The following PFKFB2 variants were observed in gnomAD, a reference collection of about 807,000 sequenced individuals.
The protein encoded by PFKFB2 is 6-phosphofructo-2-kinase/fructose-2,6-biphosphatase 2.
In PFKFB2, 53 loss-of-function variants were observed where a neutral mutation model predicts 68.0. The observed-to-expected ratio is 0.78, with a 90% CI of 0.63 to 0.98. The LOEUF is 0.98. Among genes scored for constraint, PFKFB2 ranks in the 50% least tolerant of loss-of-function variants. The probability of loss-of-function intolerance (pLI) is 0.00; values close to 1 mark genes in which losing one functional copy is unlikely to be tolerated. For missense variants in PFKFB2, 451 were observed against 642.0 expected, an observed-to-expected ratio of 0.70 and a Z score of 3.22; for synonymous variants, 222 against 227.6, an observed-to-expected ratio of 0.98 and a Z score of 0.22.
rs1683239432 is a variant in PFKFB2, at chr1:207,064,953, C to T, written c.508-83C>T. The T allele has an allele frequency of 4.7e-6, 7 of 1,476,018 alleles. No individual in the cohort carries two copies. In the South Asian group the frequency reaches 9.0e-5, roughly 19 times the overall value. 91.4% of individuals were successfully genotyped at this position (1,476,018 alleles called of 1,614,324 possible). A position where few individuals can be genotyped will look rare whatever the true frequency, so the allele number is the denominator to read the frequency against. On this transcript the variant is annotated intron_variant, in intron 7 of 14. Coordinates refer to ENST00000367080, the MANE Select transcript of PFKFB2 (RefSeq NM_006212.2). ...AGGCGACATTTATGGACTTCTTTTTCTTTTTTTTAGCAGTGGCTATTTGTA... is the reference window on the plus strand; with the variant it reads ...AGGCGACATTTATGGACTTCTTTTTTTTTTTTTTAGCAGTGGCTATTTGTA...
At chr1:207,038,519 T>C (rs1682420449) in intron 1 of PFKFB2, among the ~76,000 whole-genome samples, 1 of 152,246 alleles carries the variant, frequency 6.6e-6, no homozygotes, top group Non-Finnish European at 1.5e-5. Context: ...ACATCATGTT[T>C]GCAAATGCTG....
chr1:207,070,806 C>T lies in PFKFB2; in HGVS notation c.1223-382C>T, dbSNP rs1042550812. ...GGTGCCGTTGCCTTCTTCCATACTT[C>T]GCTTCCCGATCTTCGGGAGCTCCTG... On this transcript the variant is annotated intron_variant, in intron 12 of 14. Coordinates refer to ENST00000367080, the MANE Select transcript of PFKFB2 (RefSeq NM_006212.2). The surrounding 1 kb of genome is among the most constrained non-coding windows in gnomAD (Gnocchi z 4.2). 7 of 275,460 alleles carry T rather than the reference C, an allele frequency of 2.5e-5. No individual in the cohort carries two copies. The highest frequency in any genetic ancestry group is 1.5e-4 in the Admixed American group (3 of 20,002). 17.1% of individuals were successfully genotyped at this position (275,460 alleles called of 1,614,324 possible).
intron 8 of PFKFB2, among the ~76,000 whole-genome samples, chr1:207,066,005 G>A (rs966975605): frequency 6.6e-6 from 1 of 152,146 alleles, no homozygotes; most frequent in African/African-American, 2.4e-5. Flanking sequence ...ATATATTAAT[G>A]CTTGTGTGTA....
At chr1:207,067,853 C>T in intron 9 of PFKFB2, 147 bp downstream of exon 9, 1 of 701,292 alleles carries the variant, frequency 1.4e-6, no homozygotes, top group East Asian at 2.6e-5. Context: ...TGTGTTCTTG[C>T]TCACTGCGTC....
In PFKFB2 at chr1:207,054,764, C is replaced by A. The variant is rs1381561045; in HGVS notation, c.47C>A (p.Thr16Asn). 6.2e-7 allele frequency: 1 copy of A among 1,613,794 alleles called. No individual in the cohort carries two copies. The highest frequency in any genetic ancestry group is 1.3e-5 in the African/African-American group (1 of 74,922). Residue 16 changes from threonine to asparagine, a missense_variant, in exon 2 of 15, where the codon ACC (threonine) becomes AAC (asparagine). Thr to Asn is a moderately conservative substitution (Grantham distance 65, BLOSUM62 0). Coordinates refer to ENST00000367080, the MANE Select transcript of PFKFB2 (RefSeq NM_006212.2). ...GAACAGAACAACAACAGCTATGAAA[C>A]CAAAACCCCAAATCTTCGAATGTCA... ...SSEQNNNSYE[T>N]KTPNLRMSEK...
chr1:207,060,784 G>T (rs957195726), intron 2 of PFKFB2: 1 of 151,830 alleles, frequency 6.6e-6, no homozygotes, highest in Non-Finnish European at 1.5e-5. Context: ...TAAGGATGAT[G>T]TCATTGTTAC....
downstream of PFKFB2, chr1:207,079,073 C>A: frequency 2.8e-6 from 4 of 1,453,588 alleles, no homozygotes; most frequent in Non-Finnish European, 2.9e-6. Flanking sequence ...TACTGAAAAG[C>A]TTGGGATGTC....
At chr1:207,071,705 T>A in intron 14 of PFKFB2, 132 bp downstream of exon 14, 1 of 660,474 alleles carries the variant, frequency 1.5e-6, no homozygotes, top group Non-Finnish European at 2.7e-6. Context: ...CCAAATGTAG[T>A]TTGCTACGTC....
chr1:207,070,546 T>C lies in PFKFB2; in HGVS notation c.1222+137T>C. 1.1e-6 allele frequency: 1 copy of C among 892,952 alleles called. No individual in the cohort carries two copies. 55.3% of individuals were successfully genotyped at this position (892,952 alleles called of 1,614,324 possible). A position where few individuals can be genotyped will look rare whatever the true frequency, so the allele number is the denominator to read the frequency against. On this transcript the variant is annotated intron_variant, in intron 12 of 14. Transcript: ENST00000367080. This position sits in a 1 kb window ranked among gnomAD's most constrained non-coding sequence, Gnocchi z 4.2. Reference sequence around the variant, plus strand: ...CTTTCTCCAGACAGCAGTGTGGGGCTCCCAGCAGCCACTGAGTCAATGACT... The same window carrying C: ...CTTTCTCCAGACAGCAGTGTGGGGCCCCCAGCAGCCACTGAGTCAATGACT...
At chr1:207,035,318 T>G in intron 1 of PFKFB2, 1 of 379,102 alleles carries the variant, frequency 2.6e-6, no homozygotes, top group Non-Finnish European at 3.6e-6. Context: ...TTAGTCCATT[T>G]GCATTGCTAT....
At position 207,075,474 on chromosome 1, in the gene PFKFB2, C is replaced by G; in HGVS notation, c.*3103C>G. ...TTCAGCTCTACTTCTCATCTTTTCT[C>G]TCCTGGTCTTACTTGAATGCATGTT... On this transcript the variant is annotated 3_prime_UTR_variant, in exon 15 of 15. Transcript: ENST00000367080. The G allele has an allele frequency of 3.0e-6, 3 of 985,430 alleles. No homozygotes were observed. The highest frequency in any genetic ancestry group is 3.6e-6 in the Non-Finnish European group (3 of 829,896). The allele number at this position is 985,430 out of a possible 1,614,324, so 61.0% of individuals were successfully genotyped here. A position where few individuals can be genotyped will look rare whatever the true frequency, so the allele number is the denominator to read the frequency against.
At position 207,065,531 on chromosome 1, in the gene PFKFB2, TA is replaced by T. The variant is rs1283791778; in HGVS notation, c.632+372del. 5.1e-4 allele frequency among the ~76,000 whole-genome samples: 78 copies of T among 151,570 alleles called. 1 individual carries two copies. The East Asian group carries it at 0.014, about 28-fold the overall frequency. On this transcript the variant is annotated intron_variant, in intron 8 of 14. Coordinates refer to ENST00000367080, the MANE Select transcript of PFKFB2 (RefSeq NM_006212.2). Reference sequence around the variant, plus strand: ...ATGCCCGGCTATTTTTTTTTTTTTTTAGTAAAGATAGAGTTTCCCCATGTTG... The same window carrying T: ...ATGCCCGGCTATTTTTTTTTTTTTTTGTAAAGATAGAGTTTCCCCATGTTG...
At chr1:207,078,237 A>C (rs1028728394), downstream of PFKFB2, among the ~76,000 whole-genome samples, 2 of 152,160 alleles carry the variant, frequency 1.3e-5, no homozygotes, top group Non-Finnish European at 2.9e-5. Context: ...AAGGGTATAA[A>C]ACAGCATTTA....
At position 207,070,582 on chromosome 1, in the gene PFKFB2, A is replaced by C. The variant is rs978915383; in HGVS notation, c.1222+173A>C. On this transcript the variant is annotated intron_variant, in intron 12 of 14. Coordinates refer to ENST00000367080, the MANE Select transcript of PFKFB2 (RefSeq NM_006212.2). This position sits in a 1 kb window ranked among gnomAD's most constrained non-coding sequence, Gnocchi z 4.2. Reference sequence around the variant, plus strand: ...ACTGAGTCAATGACTTGCTGAGTTCACTCTGCTGCTACGAAAGCTTCCAAT... The same window carrying C: ...ACTGAGTCAATGACTTGCTGAGTTCCCTCTGCTGCTACGAAAGCTTCCAAT... The C allele has an allele frequency of 1.1e-5, 7 of 635,768 alleles. No individual in the cohort carries two copies. Among genetic ancestry groups the C allele is most frequent in the African/African-American group, 9.3e-5 (5 of 53,666 alleles). The allele number at this position is 635,768 out of a possible 1,614,324, so 39.4% of individuals were successfully genotyped here.
At chr1:207,039,621 T>C (rs1444113603) in intron 1 of PFKFB2, among the ~76,000 whole-genome samples, 1 of 152,194 alleles carries the variant, frequency 6.6e-6, no homozygotes, top group Non-Finnish European at 1.5e-5. Context: ...TCATACCTGA[T>C]ATTTCCAAGA....
At chr1:207,042,060 T>G (rs1682487593) in intron 1 of PFKFB2, 1 of 152,238 alleles carries the variant, frequency 6.6e-6, no homozygotes, top group Admixed American at 6.5e-5. Context: ...TAGTCTGAGT[T>G]CTTTCCTCTA....
chr1:207,052,735 C>G (rs1682788067), upstream of PFKFB2: 1 of 133,484 alleles, frequency 7.5e-6, no homozygotes, highest in African/African-American at 2.9e-5. Flanking sequence ...TCTGGTTCAA[C>G]GATGAGAGTG....
At chr1:207,062,836 A>T (rs1417430353) in intron 4 of PFKFB2, 120 bp downstream of exon 4, 8 of 998,800 alleles carry the variant, frequency 8.0e-6, no homozygotes, top group East Asian at 7.2e-5. Flanking sequence ...AATGGAAGTT[A>T]TCTGATGGGC....
Position 207,073,132 on chromosome 1 carries a change from T to A in PFKFB2, c.*761T>A. 1.0e-6 allele frequency: 1 copy of A among 985,494 alleles called. No homozygotes were observed. Among genetic ancestry groups the A allele is most frequent in the Non-Finnish European group, 1.2e-6 (1 of 829,968 alleles). The allele number at this position is 985,494 out of a possible 1,614,324, so 61.0% of individuals were successfully genotyped here. On this transcript the variant is annotated 3_prime_UTR_variant, in exon 15 of 15. Coordinates refer to ENST00000367080, the MANE Select transcript of PFKFB2 (RefSeq NM_006212.2). ...GGGTGAGAGTTCTTGCCTCCTTTCA[T>A]GAGAAACAGTTCTAAGTCTTCGATG...
Sources: allele counts gnomAD v4.1 joint callset (sites outside exome capture counted in the v4.1 genomes callset), GRCh38; gene constraint gnomAD v4.1.1; non-coding constraint Gnocchi (gnomAD v3.1); transcripts MANE v1.5; gene names NCBI Gene and HGNC (gene_info 2026-07-23, HGNC 2026-07-21).